The following TMEM207 variants were observed in gnomAD, a reference collection of about 807,000 sequenced individuals.
The protein encoded by TMEM207 is transmembrane protein 207, also known as SRSR846.
TMEM207 carries 15 observed loss-of-function variants against 17.4 expected under a neutral mutation model. That is an observed-to-expected ratio of 0.86 (90% CI 0.58 to 1.33). The LOEUF is 1.33. Among genes scored for constraint, TMEM207 ranks in the 40% most tolerant of loss-of-function variants. The probability of loss-of-function intolerance (pLI) is 0.00; values close to 1 mark genes in which losing one functional copy is unlikely to be tolerated. For synonymous variants in TMEM207, 70 were observed against 65.6 expected, an observed-to-expected ratio of 1.07 and a Z score of -0.33; for missense variants, 205 against 173.8, an observed-to-expected ratio of 1.18 and a Z score of -1.01.
intron 4 of TMEM207, among the ~76,000 whole-genome samples, chr3:190,431,024 T>C (rs1203647247): frequency 6.6e-6 from 1 of 152,154 alleles, no homozygotes; most frequent in Non-Finnish European, 1.5e-5. Context: ...TTTAGAATAA[T>C]GGATTTTCAT....
chr3:190,440,120 G>C (rs1362350599), intron 4 of TMEM207, 124 bp downstream of exon 4: 2 of 1,131,128 alleles, frequency 1.8e-6, no homozygotes. Flanking sequence ...TGCAGGCCTT[G>C]GTGTCTCCAA....
chr3:190,441,108 G>C (rs1235693800), intron 3 of TMEM207, among the ~76,000 whole-genome samples: 2 of 152,140 alleles, frequency 1.3e-5, no homozygotes, highest in Non-Finnish European at 2.9e-5. Flanking sequence ...TCATAGAAGA[G>C]ACAGTGGTCA....
At chr3:190,441,567 C>A in intron 2 of TMEM207, 85 bp from the exon 3 acceptor site, 1 of 1,085,112 alleles carries the variant, frequency 9.2e-7, no homozygotes, top group South Asian at 1.4e-5. Flanking sequence ...GTACTGATCA[C>A]ACTTGTTTCT....
chr3:190,433,510 G>A (rs969436940), intron 4 of TMEM207, among the ~76,000 whole-genome samples: 11 of 151,900 alleles, frequency 7.2e-5, no homozygotes, highest in Admixed American at 3.3e-4. Context: ...ATAGTCCTTG[G>A]ATTTATGAAC....
At chr3:190,444,766 G>A (rs1042965266) in intron 2 of TMEM207, among the ~76,000 whole-genome samples, 2 of 152,132 alleles carry the variant, frequency 1.3e-5, no homozygotes, top group Admixed American at 6.5e-5. Context: ...AAAAATTCAA[G>A]CTATGAGGCC....
chr3:190,437,575 A>G (rs920008132), intron 4 of TMEM207, among the ~76,000 whole-genome samples: 2 of 152,106 alleles, frequency 1.3e-5, no homozygotes, highest in Admixed American at 6.5e-5. Context: ...TTAGAATGGC[A>G]ATCATTAAAA....
chr3:190,435,563 C>T (rs1333856453), intron 4 of TMEM207, among the ~76,000 whole-genome samples: 4 of 152,144 alleles, frequency 2.6e-5, no homozygotes, highest in Non-Finnish European at 5.9e-5. Flanking sequence ...TAAAGATCTT[C>T]CTAACATATT....
chr3:190,439,829 C>T (rs1292718789), intron 4 of TMEM207, among the ~76,000 whole-genome samples: 1 of 152,102 alleles, frequency 6.6e-6, no homozygotes, highest in African/African-American at 2.4e-5. Flanking sequence ...TTCAATGTTA[C>T]TTCAGATGAG....
Position 190,449,866 on chromosome 3 carries a change from T to G in TMEM207, c.-57A>C. The G allele has an allele frequency of 6.7e-7, 1 of 1,485,950 alleles. No homozygotes were observed. The highest frequency in any genetic ancestry group is 9.4e-7 in the Non-Finnish European group (1 of 1,065,114). 92.0% of individuals were successfully genotyped at this position (1,485,950 alleles called of 1,614,324 possible). A position where few individuals can be genotyped will look rare whatever the true frequency, so the allele number is the denominator to read the frequency against. ...TTGGTGCCTGTGTTTATTTCCTTCT[T>G]TCTCAGAACTTACTAGCTTCTCTAT... On this transcript the variant is annotated 5_prime_UTR_variant, in exon 1 of 5. Transcript: ENST00000354905.
At chr3:190,438,990 C>CCATTCTGGCTAA (rs1229432708) in intron 4 of TMEM207, among the ~76,000 whole-genome samples, 2 of 151,618 alleles carry the variant, frequency 1.3e-5, no homozygotes, top group Non-Finnish European at 1.5e-5. Flanking sequence ...GAGATCGAGA[C>CCATTCTGGCTAA]CACGGTGAAA....
chr3:190,431,936 G>A (rs1205677909), intron 4 of TMEM207, among the ~76,000 whole-genome samples: 1 of 152,078 alleles, frequency 6.6e-6, no homozygotes, highest in Admixed American at 6.6e-5. Context: ...TGTTCAGGAA[G>A]TTTTGAAAAC....
intron 4 of TMEM207, among the ~76,000 whole-genome samples, chr3:190,438,297 TTC>T (rs1362213013): frequency 6.9e-6 from 1 of 144,280 alleles, no homozygotes; most frequent in African/African-American, 2.6e-5. Flanking sequence ...TGGTTTTTTT[TTC>T]TTTTTTTTTT....
intron 4 of TMEM207, among the ~76,000 whole-genome samples, chr3:190,432,639 A>G (rs569380689): frequency 2.7e-4 from 41 of 152,212 alleles, no homozygotes; most frequent in Non-Finnish European, 5.7e-4. Flanking sequence ...AAATCATAAA[A>G]TAAAAGAATC....
chr3:190,441,183 A>C (rs933047218), intron 3 of TMEM207, among the ~76,000 whole-genome samples: 11 of 152,226 alleles, frequency 7.2e-5, no homozygotes, highest in Admixed American at 6.5e-4. Flanking sequence ...ATTTCAAGAC[A>C]AATAACAATT....
At chr3:190,440,116 C>T (rs1719895946) in intron 4 of TMEM207, 128 bp downstream of exon 4, 2 of 1,094,040 alleles carry the variant, frequency 1.8e-6, no homozygotes, top group Admixed American at 2.8e-5. Flanking sequence ...TCAGTGCAGG[C>T]CTTGGTGTCT....
intron 2 of TMEM207, among the ~76,000 whole-genome samples, chr3:190,443,720 C>T (rs1201160782): frequency 6.6e-6 from 1 of 151,936 alleles, no homozygotes; most frequent in African/African-American, 2.4e-5. Flanking sequence ...TTTTGAGTTC[C>T]TAAAAAAGTA....
intron 2 of TMEM207, among the ~76,000 whole-genome samples, chr3:190,441,899 A>C (rs1388650080): frequency 3.3e-5 from 5 of 152,316 alleles, no homozygotes; most frequent in African/African-American, 4.8e-5. Context: ...TTCTCCAGGG[A>C]AGAATATCTT....
intron 4 of TMEM207, among the ~76,000 whole-genome samples, chr3:190,434,413 C>T (rs555102943): frequency 1.3e-5 from 2 of 152,238 alleles, no homozygotes; most frequent in East Asian, 3.9e-4. Context: ...TTGCATCTTC[C>T]TTACTCTCTC....
At chr3:190,435,743 G>A (rs1719791245) in intron 4 of TMEM207, among the ~76,000 whole-genome samples, 1 of 152,210 alleles carries the variant, frequency 6.6e-6, no homozygotes, top group South Asian at 2.1e-4. Flanking sequence ...AGAGTACTGT[G>A]AAAAGACAGG....
Sources: allele counts gnomAD v4.1 joint callset (sites outside exome capture counted in the v4.1 genomes callset), GRCh38; gene constraint gnomAD v4.1.1; transcripts MANE v1.5; gene names NCBI Gene and HGNC (gene_info 2026-07-23, HGNC 2026-07-21).